Variants in ANKS1A observed in about 807,000 individuals in gnomAD.
ANKS1A encodes the protein ankyrin repeat and SAM domain-containing protein 1A.
Under a neutral mutation model 120.3 loss-of-function variants are expected in ANKS1A, and 55 were observed. The observed-to-expected ratio is 0.46, with a 90% confidence interval of 0.37 to 0.57. The LOEUF is 0.57. Ranked by LOEUF, ANKS1A falls within the 20% of genes least tolerant of loss-of-function variation. ANKS1A has a pLI of 0.00. For missense variants in ANKS1A, 1,123 were observed against 1,480.3 expected, an observed-to-expected ratio of 0.76 and a Z score of 3.96; for synonymous variants, 590 against 604.7, an observed-to-expected ratio of 0.98 and a Z score of 0.36.
chr6:35,031,530 C>G (rs1038656739), intron 11 of ANKS1A, among the ~76,000 whole-genome samples: 1 of 152,098 alleles, frequency 6.6e-6, no homozygotes, highest in Non-Finnish European at 1.5e-5. Flanking sequence ...TGACCAGAAC[C>G]CTTCCTCCTC....
At chr6:35,017,364 C>G (rs1774076764) in intron 10 of ANKS1A, 109 bp from the exon 11 acceptor site, 2 of 1,170,270 alleles carry the variant, frequency 1.7e-6, no homozygotes, top group Non-Finnish European at 2.4e-6. Context: ...GTTTCTCTCT[C>G]TGTTTCTCTG....
intron 13 of ANKS1A, chr6:35,070,880 T>A: frequency 1.6e-6 from 1 of 637,184 alleles, no homozygotes; most frequent in East Asian, 4.0e-5. Flanking sequence ...TTTCTTGCAT[T>A]TGAAGGACTC....
intron 10 of ANKS1A, among the ~76,000 whole-genome samples, chr6:35,010,877 G>A (rs1250984938): frequency 6.6e-6 from 1 of 152,204 alleles, no homozygotes; most frequent in Non-Finnish European, 1.5e-5. Context: ...TGCAGGTGCT[G>A]TGGGTAAAGA....
At chr6:34,949,008 G>C (rs540974876) in intron 1 of ANKS1A, among the ~76,000 whole-genome samples, 1 of 152,196 alleles carries the variant, frequency 6.6e-6, no homozygotes, top group Non-Finnish European at 1.5e-5. Flanking sequence ...TCTCCTGACT[G>C]TGTCTGTTTC....
chr6:34,985,033 A>G lies in ANKS1A; in HGVS notation c.1013-49A>G, dbSNP rs765031452. 8 of 1,564,466 alleles carry G rather than the reference A, an allele frequency of 5.1e-6. No individual in the cohort carries two copies. The South Asian group carries it at 9.6e-5, about 19-fold the overall frequency. ...GGGTTGCTGCAGTGGTTGGAACCTGAGATTCTGCTCCCCTTCAGTGACTCT... is the reference window on the plus strand; with the variant it reads ...GGGTTGCTGCAGTGGTTGGAACCTGGGATTCTGCTCCCCTTCAGTGACTCT... On this transcript the variant is annotated intron_variant, in intron 7 of 23. Transcript: ENST00000360359.
chr6:35,092,959 C>T (rs1224791708), downstream of ANKS1A, among the ~76,000 whole-genome samples: 1 of 152,078 alleles, frequency 6.6e-6, no homozygotes. Context: ...TCCAAGGCAG[C>T]TCAAAACACC....
At chr6:35,023,637 G>A (rs1047635283) in intron 11 of ANKS1A, 1 of 480,332 alleles carries the variant, frequency 2.1e-6, no homozygotes, top group Admixed American at 2.3e-5. Context: ...ATCTCAGGGA[G>A]AAGTATCACA....
intron 1 of ANKS1A, among the ~76,000 whole-genome samples, chr6:34,933,123 A>C (rs1229001525): frequency 6.6e-6 from 1 of 152,194 alleles, no homozygotes; most frequent in Non-Finnish European, 1.5e-5. Context: ...CTTCTTTGGA[A>C]AGATGATTTT....
chr6:34,984,895 A>G (rs186165350), intron 7 of ANKS1A, among the ~76,000 whole-genome samples, 187 bp from the exon 8 acceptor site: 277 of 152,236 alleles, frequency 1.8e-3, no homozygotes, highest in African/African-American at 6.3e-3. Flanking sequence ...ATCTGTTTAG[A>G]TCTCAGGGTA....
At chr6:35,068,308 C>T (rs990546100) in intron 13 of ANKS1A, among the ~76,000 whole-genome samples, 2 of 151,738 alleles carry the variant, frequency 1.3e-5, no homozygotes, top group South Asian at 2.1e-4. Context: ...TTAGAGACAG[C>T]GTCAGTGTCA....
At chr6:35,080,101 T>C (rs947897919) in intron 16 of ANKS1A, among the ~76,000 whole-genome samples, 173 bp downstream of exon 16, 1 of 152,182 alleles carries the variant, frequency 6.6e-6, no homozygotes, top group Non-Finnish European at 1.5e-5. Flanking sequence ...CACCTGTTTC[T>C]ACTTGGGGAT....
At chr6:35,083,595 C>A in intron 20 of ANKS1A, 92 bp downstream of exon 20, 1 of 1,215,732 alleles carries the variant, frequency 8.2e-7, no homozygotes, top group Non-Finnish European at 1.2e-6. Context: ...GCTGCCCTGT[C>A]TCATCTCTTA....
At chr6:34,987,943 A>G (rs1365702419) in intron 8 of ANKS1A, among the ~76,000 whole-genome samples, 1 of 152,228 alleles carries the variant, frequency 6.6e-6, no homozygotes, top group Non-Finnish European at 1.5e-5. Context: ...CTGATTCTCA[A>G]GCATGACCAG....
At chr6:34,989,662 T>C (rs1772407282) in intron 9 of ANKS1A, among the ~76,000 whole-genome samples, 2 of 152,224 alleles carry the variant, frequency 1.3e-5, no homozygotes, top group South Asian at 4.1e-4. Context: ...TTCCCTAGAC[T>C]GTGCCTCATT....
chr6:35,073,352 G>T (rs1777169660), intron 13 of ANKS1A, among the ~76,000 whole-genome samples: 1 of 152,330 alleles, frequency 6.6e-6, no homozygotes, highest in Middle Eastern at 3.4e-3. Flanking sequence ...GAGCCAGGCC[G>T]CCAGGGGCCA....
At position 35,017,753 on chromosome 6, in the gene ANKS1A, C is replaced by T; in HGVS notation, c.1704C>T (p.Tyr568=). 1.2e-6 allele frequency: 2 copies of T among 1,614,116 alleles called. No homozygotes were observed. The highest frequency in any genetic ancestry group is 2.2e-5 in the East Asian group (1 of 44,880). The change falls in exon 11 of 24, where the codon TAC becomes TAT. Residue 568 remains tyrosine (Y), a synonymous_variant. Transcript: ENST00000360359. ...SALDQSKRVG[Y]LTGLPTTNSR... Reference sequence around the variant, plus strand: ...TGGACCAGAGCAAGAGAGTGGGCTACCTCACAGGCCTGCCCACCACCAACA... The same window carrying T: ...TGGACCAGAGCAAGAGAGTGGGCTATCTCACAGGCCTGCCCACCACCAACA...
At chr6:34,986,264 C>T (rs1238204214) in intron 8 of ANKS1A, among the ~76,000 whole-genome samples, 2 of 152,216 alleles carry the variant, frequency 1.3e-5, no homozygotes, top group African/African-American at 4.8e-5. Context: ...GCAGGTCAGA[C>T]AGTCTGTACC....
intron 13 of ANKS1A, among the ~76,000 whole-genome samples, chr6:35,074,224 C>T (rs1461647185): frequency 2.0e-5 from 3 of 152,256 alleles, no homozygotes; most frequent in Non-Finnish European, 2.9e-5. Context: ...CGCAGTCACT[C>T]TTGGACGTCC....
chr6:34,951,340 C>T (rs1029394330), intron 1 of ANKS1A, among the ~76,000 whole-genome samples: 2 of 151,240 alleles, frequency 1.3e-5, no homozygotes, highest in African/African-American at 4.9e-5. Flanking sequence ...TACATTATCC[C>T]ATTTGTTGCA....
Sources: gnomAD v4.1 joint callset for allele counts (sites outside exome capture counted in the v4.1 genomes callset) on GRCh38, gnomAD v4.1.1 for gene constraint, MANE v1.5 for transcripts, NCBI Gene and HGNC (gene_info 2026-07-23, HGNC 2026-07-21) for gene names.